The following UBASH3B variants were observed in gnomAD, a reference collection of about 807,000 sequenced individuals.
UBASH3B encodes ubiquitin associated and SH3 domain containing B, also known as ubiquitin-associated and SH3 domain-containing protein B.
UBASH3B carries 37 observed loss-of-function variants against 83.4 expected under a neutral mutation model. The ratio of observed to expected loss-of-function variants is 0.44; its 90% CI spans 0.34 to 0.58. The LOEUF (loss-of-function observed/expected upper bound fraction) is 0.58, where lower values mean the gene tolerates loss of function less well. UBASH3B is among the 20% of genes least tolerant of loss of function. UBASH3B has a pLI of 0.01. For missense variants in UBASH3B, 657 were observed against 827.2 expected, an observed-to-expected ratio of 0.79 and a Z score of 2.52; for synonymous variants, 304 against 318.3, an observed-to-expected ratio of 0.96 and a Z score of 0.48.
chr11:122,782,933 T>C, intron 4 of UBASH3B, 120 bp from the exon 5 acceptor site: 1 of 1,223,266 alleles, frequency 8.2e-7, no homozygotes, highest in Non-Finnish European at 1.1e-6. Flanking sequence ...ACGTCTTTTG[T>C]CTTCTTTGTT....
At chr11:122,767,675 A>G (rs1860574397) in intron 1 of UBASH3B, among the ~76,000 whole-genome samples, 1 of 152,228 alleles carries the variant, frequency 6.6e-6, no homozygotes, top group South Asian at 2.1e-4. Flanking sequence ...ACTTTACCAC[A>G]GAGAGGCAAG....
intron 1 of UBASH3B, among the ~76,000 whole-genome samples, chr11:122,665,518 G>A (rs1863504924): frequency 1.3e-5 from 2 of 152,142 alleles, no homozygotes; most frequent in Non-Finnish European, 2.9e-5. Flanking sequence ...TGGACAGCAC[G>A]AGGATGCTCT....
rs539987094 is a variant in UBASH3B, at chr11:122,796,167, C to G, written c.1125C>G (p.Val375=). 8 of 1,614,056 alleles carry G rather than the reference C, an allele frequency of 5.0e-6. No homozygotes were observed. The Admixed American group carries it at 8.3e-5, about 17-fold the overall frequency. ...IICQPMQPLR[V]NSQPGPQKRC... is the part of the protein sequence containing the mutation. ...TTCTTTCTCTGCAGCCGCTGAGGGT[C>G]AACAGCCAGCCCGGCCCCCAGAAGC... Residue 375 remains valine, a synonymous_variant, in exon 8 of 14, where the codon GTC becomes GTG. Coordinates refer to ENST00000284273, the MANE Select transcript of UBASH3B (RefSeq NM_032873.5).
Position 122,777,176 on chromosome 11 carries a change from T to A in UBASH3B, c.368T>A (p.Ile123Asn), listed in dbSNP as rs775179851. ...QICGKNKAHN[I>N]FPHITLCQFF... ...TGCGGGAAGAACAAGGCACACAACA[T>A]CTTCCCCCACATCACACTCTGCCAG... is the stretch of plus-strand genomic sequence containing the variant. The change falls in exon 3 of 14, where the codon ATC becomes AAC. Residue 123 changes from isoleucine (I) to asparagine (N), a missense_variant. Ile to Asn is a moderately radical substitution (Grantham distance 149, BLOSUM62 -3). Transcript: ENST00000284273. 1.2e-6 allele frequency: 2 copies of A among 1,613,722 alleles called. No homozygotes were observed. The highest frequency in any genetic ancestry group is 4.5e-5 in the East Asian group (2 of 44,842).
chr11:122,805,998 T>C (rs1861334544), intron 11 of UBASH3B, among the ~76,000 whole-genome samples: 1 of 152,212 alleles, frequency 6.6e-6, no homozygotes, highest in Admixed American at 6.5e-5. Context: ...ATGGACCTAA[T>C]ATCTGCGTTT....
At position 122,694,954 on chromosome 11, in the gene UBASH3B, C is replaced by CTTTTTTTT. The variant is rs71054088; in HGVS notation, c.161+38764_161+38771dup. Among the ~76,000 whole-genome samples the CTTTTTTTT allele has an allele frequency of 4.6e-3, 234 of 50,442 alleles. 15 individuals carry two copies. The highest frequency in any genetic ancestry group is 0.019 in the East Asian group (20 of 1,052). The allele number at this position is 50,442 out of a possible 152,430, so 33.1% of individuals were successfully genotyped here. ...TATTTATTTTTCTTTTCTTTTCTTT[C>CTTTTTTTT]TTTTTTTTTTTTTTTTTTTTTTTTT... On this transcript the variant is annotated intron_variant, in intron 1 of 13. Transcript: ENST00000284273.
At chr11:122,732,468 G>A (rs1444761436) in intron 1 of UBASH3B, among the ~76,000 whole-genome samples, 2 of 152,120 alleles carry the variant, frequency 1.3e-5, no homozygotes, top group African/African-American at 4.8e-5. Context: ...TTATACTCTT[G>A]CCCAGGCCCT....
intron 1 of UBASH3B, among the ~76,000 whole-genome samples, chr11:122,742,289 A>G (rs1415670596): frequency 6.6e-6 from 1 of 152,254 alleles, no homozygotes; most frequent in Non-Finnish European, 1.5e-5. Flanking sequence ...AAACCGAGCC[A>G]AGAAGTGCAA....
chr11:122,788,142 G>A (rs776818387), intron 5 of UBASH3B, among the ~76,000 whole-genome samples: 2 of 152,216 alleles, frequency 1.3e-5, no homozygotes, highest in Admixed American at 1.3e-4. Context: ...AAGTAAGAAC[G>A]TTTTCTCCAT....
chr11:122,803,816 C>T (rs1426520787), intron 11 of UBASH3B, among the ~76,000 whole-genome samples: 1 of 152,024 alleles, frequency 6.6e-6, no homozygotes, highest in African/African-American at 2.4e-5. Flanking sequence ...GGGGATGCCA[C>T]CTGACTTCCA....
chr11:122,779,544 G>T lies in UBASH3B; in HGVS notation c.450G>T (p.Thr150=). ...CCCTGGGGGAAGCCCTGCAGACCAC[G>T]GTCAGTCGCTGGAAATGTAAGTTCT... is the stretch of plus-strand genomic sequence containing the variant. The part of the protein sequence containing the change: ...VDALGEALQT[T]VSRWKCKFSA... The change falls in exon 4 of 14, where the codon ACG becomes ACT. Residue 150 remains threonine (T), a synonymous_variant. Transcript: ENST00000284273. 1 of 1,614,094 alleles carries T rather than the reference G, an allele frequency of 6.2e-7. No individual in the cohort carries two copies. The highest frequency in any genetic ancestry group is 8.5e-7 in the Non-Finnish European group (1 of 1,180,010).
Position 122,686,499 on chromosome 11 carries a change from G to A in UBASH3B, c.161+30289G>A, listed in dbSNP as rs980096447. Among the ~76,000 whole-genome samples, 6 of 152,156 alleles carry A rather than the reference G, an allele frequency of 3.9e-5. 1 individual carries two copies. The highest frequency in any genetic ancestry group is 7.3e-5 in the Non-Finnish European group (5 of 68,038). On this transcript the variant is annotated intron_variant, in intron 1 of 13. Coordinates refer to ENST00000284273, the MANE Select transcript of UBASH3B (RefSeq NM_032873.5). ...GTAGATTTATAGGAAAGGTGGAGAT[G>A]GTACTGAGATGGTCTTAAATGTTAA...
chr11:122,697,390 CA>C (rs1219114587), intron 1 of UBASH3B, among the ~76,000 whole-genome samples: 1 of 152,148 alleles, frequency 6.6e-6, no homozygotes, highest in Non-Finnish European at 1.5e-5. Context: ...GCCGAGATCG[CA>C]ACATTGCACT....
intron 1 of UBASH3B, among the ~76,000 whole-genome samples, chr11:122,679,873 C>T (rs138465228): frequency 2.8e-3 from 433 of 152,250 alleles, no homozygotes; most frequent in African/African-American, 9.8e-3. Context: ...CTCTGTCACT[C>T]AGGCTGGAGT....
intron 1 of UBASH3B, among the ~76,000 whole-genome samples, chr11:122,750,095 A>C (rs1325998730): frequency 3.3e-5 from 5 of 152,190 alleles, no homozygotes; most frequent in Non-Finnish European, 7.3e-5. Flanking sequence ...GATTTTCTTC[A>C]AATCCTGCTG....
At chr11:122,672,380 T>A (rs1863608003) in intron 1 of UBASH3B, among the ~76,000 whole-genome samples, 1 of 151,858 alleles carries the variant, frequency 6.6e-6, no homozygotes, top group Non-Finnish European at 1.5e-5. Context: ...AGTCCAGTGG[T>A]ACAATCTTGG....
intron 1 of UBASH3B, among the ~76,000 whole-genome samples, chr11:122,663,252 C>T (rs1367844900): frequency 2.6e-5 from 4 of 152,230 alleles, no homozygotes; most frequent in East Asian, 1.9e-4. Context: ...GCTGGGATTA[C>T]AGGCATAAGC....
rs1863348548 is a variant in UBASH3B, at chr11:122,655,744, G to A, written c.-306G>A. 3.0e-6 allele frequency: 1 copy of A among 334,022 alleles called. No homozygotes were observed. Among genetic ancestry groups the A allele is most frequent in the Non-Finnish European group, 5.4e-6 (1 of 183,910 alleles). The allele number at this position is 334,022 out of a possible 1,614,324, so 20.7% of individuals were successfully genotyped here. On this transcript the variant is annotated 5_prime_UTR_variant, in exon 1 of 14. Transcript: ENST00000284273. The stretch of plus-strand genomic sequence containing the variant: ...CTCATTGCAAATTCCCGGACTGCTA[G>A]GCGAGGAGAGGGAAGGGGGCGGAGG...
chr11:122,790,950 G>GA (rs199977761), intron 6 of UBASH3B, among the ~76,000 whole-genome samples: 4,403 of 135,834 alleles, frequency 0.032, 66 homozygotes, highest in Middle Eastern at 0.074. Flanking sequence ...GACTTTGTCT[G>GA]AAAAAAAAAA....
Sources: gnomAD v4.1 joint callset for allele counts (sites outside exome capture counted in the v4.1 genomes callset) on GRCh38, gnomAD v4.1.1 for gene constraint, MANE v1.5 for transcripts, NCBI Gene and HGNC (gene_info 2026-07-23, HGNC 2026-07-21) for gene names.